PCDHGA7: variants seen among roughly 807,000 people sequenced by gnomAD.
PCDHGA7 encodes protocadherin gamma-A7.
PCDHGA7 carries 44 observed loss-of-function variants against 58.3 expected under a neutral mutation model. The ratio of observed to expected loss-of-function variants is 0.75; its 90% confidence interval spans 0.59 to 0.97. The LOEUF (loss-of-function observed/expected upper bound fraction) is 0.97, where lower values mean the gene tolerates loss of function less well. Ranked by LOEUF, PCDHGA7 falls within the 50% of genes least tolerant of loss-of-function variation. PCDHGA7 has a pLI of 0.00. For missense variants in PCDHGA7, 1,266 were observed against 1,188.7 expected, an observed-to-expected ratio of 1.06 and a Z score of -0.96; for synonymous variants, 516 against 504.2, an observed-to-expected ratio of 1.02 and a Z score of -0.31.
At position 141,489,244 on chromosome 5, in the gene PCDHGA7, G is replaced by C. The variant is rs145484133; in HGVS notation, c.2425-5563G>C. The C allele has an allele frequency of 3.3e-6, 5 of 1,534,936 alleles. No homozygotes were observed. Among genetic ancestry groups the C allele is most frequent in the African/African-American group, 1.4e-5 (1 of 72,374 alleles). On this transcript the variant is annotated intron_variant, in intron 1 of 3. Transcript: ENST00000518325. This position sits in a 1 kb window ranked among gnomAD's most constrained non-coding sequence, Gnocchi z 4.5. ...TCCACAAAGGGACTTCTGGGTCATGGGGCCCAAGACACTCCCACAGCTCGC... is the reference window on the plus strand; with the variant it reads ...TCCACAAAGGGACTTCTGGGTCATGCGGCCCAAGACACTCCCACAGCTCGC...
At chr5:141,450,869 G>A (rs1435272731) in intron 1 of PCDHGA7, among the ~76,000 whole-genome samples, 1 of 147,142 alleles carries the variant, frequency 6.8e-6, no homozygotes, top group Admixed American at 6.9e-5. Context: ...CTGTCACCCA[G>A]GCTGGTGTGC....
intron 1 of PCDHGA7, chr5:141,412,017 A>C (rs914087284): frequency 1.4e-5 from 2 of 146,532 alleles, no homozygotes; most frequent in African/African-American, 5.3e-5. Context: ...ACTTCTGAAC[A>C]TCCTGTTCTC....
intron 1 of PCDHGA7, among the ~76,000 whole-genome samples, chr5:141,433,809 C>A (rs913637407): frequency 5.3e-5 from 8 of 149,948 alleles, no homozygotes; most frequent in Non-Finnish European, 1.2e-4. Flanking sequence ...TGCACTCCAG[C>A]CTGGGCAACA....
chr5:141,433,921 T>G (rs1203867326), intron 1 of PCDHGA7, among the ~76,000 whole-genome samples: 2 of 152,012 alleles, frequency 1.3e-5, no homozygotes, highest in African/African-American at 4.8e-5. Flanking sequence ...CACCTCCAAA[T>G]GAAGATTTTA....
chr5:141,393,577 T>C (rs781192019), intron 1 of PCDHGA7: 1 of 1,613,890 alleles, frequency 6.2e-7, no homozygotes, highest in Admixed American at 1.7e-5. Flanking sequence ...CTTGAGAACA[T>C]GCCCCCAGGC....
intron 1 of PCDHGA7, among the ~76,000 whole-genome samples, chr5:141,456,955 T>A (rs1352654794): frequency 2.6e-5 from 4 of 151,974 alleles, no homozygotes; most frequent in African/African-American, 7.3e-5. Flanking sequence ...AGAGCAAAAC[T>A]CCATCTCAAA....
chr5:141,429,572 T>C (rs1450720834), intron 1 of PCDHGA7, among the ~76,000 whole-genome samples: 1 of 152,226 alleles, frequency 6.6e-6, no homozygotes, highest in South Asian at 2.1e-4. Context: ...TTCAGTTACA[T>C]TTACTTTTGA....
rs1423639578 is a variant in PCDHGA7, at chr5:141,383,107, G to T, written c.208G>T (p.Gly70Cys). The T allele has an allele frequency of 3.1e-6, 5 of 1,613,914 alleles. No individual in the cohort carries two copies. In the East Asian group the frequency reaches 6.7e-5, roughly 22 times the overall value. ...AERGVRIISR[G>C]RTQLFALNQR... Reference sequence around the variant, plus strand: ...GCGCGGAGTCCGCATCATCTCCAGAGGTAGGACGCAGCTTTTCGCCCTGAA... The same window carrying T: ...GCGCGGAGTCCGCATCATCTCCAGATGTAGGACGCAGCTTTTCGCCCTGAA... Residue 70 changes from glycine (G) to cysteine (C), a missense_variant, in exon 1 of 4, where the codon GGT (glycine) becomes TGT (cysteine). Coordinates refer to ENST00000518325, the MANE Select transcript of PCDHGA7 (RefSeq NM_018920.4).
In PCDHGA7 at chr5:141,477,453, A is replaced by T; in HGVS notation, c.2425-17354A>T. On this transcript the variant is annotated intron_variant, in intron 1 of 3. Transcript: ENST00000518325. This position sits in a 1 kb window ranked among gnomAD's most constrained non-coding sequence, Gnocchi z 4.9. Reference sequence around the variant, plus strand: ...TCAGCCCTTACAATAGTGCGTGTTCAAGTGTCCGACATCAATGACAACCCT... The same window carrying T: ...TCAGCCCTTACAATAGTGCGTGTTCTAGTGTCCGACATCAATGACAACCCT... The T allele has an allele frequency of 6.2e-7, 1 of 1,614,136 alleles. No homozygotes were observed. The highest frequency in any genetic ancestry group is 8.5e-7 in the Non-Finnish European group (1 of 1,180,026).
intron 1 of PCDHGA7, chr5:141,393,407 CG>C: frequency 5.0e-6 from 8 of 1,614,056 alleles, no homozygotes; most frequent in Non-Finnish European, 6.8e-6. Context: ...TGCTGGAGCG[CG>C]CCCTGGACAG....
At chr5:141,395,398 T>A (rs976008795) in intron 1 of PCDHGA7, 8 of 863,662 alleles carry the variant, frequency 9.3e-6, no homozygotes, top group South Asian at 2.0e-5. Context: ...TGAACTCTAA[T>A]AGTCATAGGT....
intron 1 of PCDHGA7, among the ~76,000 whole-genome samples, chr5:141,488,351 C>G (rs1467834410): frequency 6.6e-6 from 1 of 152,132 alleles, no homozygotes; most frequent in African/African-American, 2.4e-5. Context: ...AAACAGCCAC[C>G]CTGTGCATCT....
At position 141,383,492 on chromosome 5, in the gene PCDHGA7, G is replaced by C. The variant is rs1012277194; in HGVS notation, c.593G>C (p.Arg198Pro). 3 of 1,613,178 alleles carry C rather than the reference G, an allele frequency of 1.9e-6. No individual in the cohort carries two copies. Among genetic ancestry groups the C allele is most frequent in the Non-Finnish European group, 2.5e-6 (3 of 1,179,496 alleles). The change falls in exon 1 of 4, where the codon CGG becomes CCG. Residue 198 changes from arginine (R) to proline (P), a missense_variant. By Grantham distance (103) the Arg-to-Pro change is moderately radical (BLOSUM62 -2). Transcript: ENST00000518325. ...ETKYPELVLE[R>P]VLDREEERVH... is the part of the protein sequence containing the mutation. ...AAGTACCCGGAACTGGTGCTGGAGC[G>C]GGTGCTGGACCGGGAGGAAGAGCGG...
chr5:141,438,122 A>T (rs1272350030), intron 1 of PCDHGA7, among the ~76,000 whole-genome samples: 1 of 152,214 alleles, frequency 6.6e-6, no homozygotes, highest in Non-Finnish European at 1.5e-5. Flanking sequence ...CATTCCTAAA[A>T]TATTAATGGC....
At chr5:141,392,719 C>T (rs1044889578) in intron 1 of PCDHGA7, 60 of 1,382,980 alleles carry the variant, frequency 4.3e-5, no homozygotes, top group African/African-American at 2.9e-5. Context: ...TCCAGGTTTC[C>T]GGAGGATTGT....
intron 2 of PCDHGA7, among the ~76,000 whole-genome samples, chr5:141,498,604 C>G (rs1445417630): frequency 6.6e-6 from 1 of 152,122 alleles, no homozygotes; most frequent in East Asian, 1.9e-4. Flanking sequence ...GGTTCAAGTT[C>G]AAGTCAGCAC....
Position 141,476,870 on chromosome 5 carries a change from C to T in PCDHGA7, c.2425-17937C>T, listed in dbSNP as rs2099400432. 3 of 1,613,772 alleles carry T rather than the reference C, an allele frequency of 1.9e-6. No individual in the cohort carries two copies. Among genetic ancestry groups the T allele is most frequent in the South Asian group, 1.1e-5 (1 of 91,094 alleles). On this transcript the variant is annotated intron_variant, in intron 1 of 3. Coordinates refer to ENST00000518325, the MANE Select transcript of PCDHGA7 (RefSeq NM_018920.4). The surrounding 1 kb of genome is among the most constrained non-coding windows in gnomAD (Gnocchi z 7.6). ...CTTCAACCAGTCCTTGTACCGGGCGCGCGTCCTGGAGGATGCACCCTCCGG... is the reference window on the plus strand; with the variant it reads ...CTTCAACCAGTCCTTGTACCGGGCGTGCGTCCTGGAGGATGCACCCTCCGG...
rs751024373 is a variant in PCDHGA7, at chr5:141,491,801, G to T, written c.2425-3006G>T. 1 of 1,500,844 alleles carries T rather than the reference G, an allele frequency of 6.7e-7. No homozygotes were observed. Among genetic ancestry groups the T allele is most frequent in the Non-Finnish European group, 8.9e-7 (1 of 1,125,292 alleles). 93.0% of individuals were successfully genotyped at this position (1,500,844 alleles called of 1,614,324 possible). ...AACTTGCATCCACTCCTCTCCGGCCGGCTTGGTCGCTGGCTGCGCTCCACC... is the reference window on the plus strand; with the variant it reads ...AACTTGCATCCACTCCTCTCCGGCCTGCTTGGTCGCTGGCTGCGCTCCACC... On this transcript the variant is annotated intron_variant, in intron 1 of 3. Transcript: ENST00000518325. This position sits in a 1 kb window ranked among gnomAD's most constrained non-coding sequence, Gnocchi z 6.9.
At chr5:141,422,911 G>A (rs375046528) in intron 1 of PCDHGA7, 5 of 1,614,118 alleles carry the variant, frequency 3.1e-6, no homozygotes, top group African/African-American at 2.7e-5. Flanking sequence ...CAATGCGCCC[G>A]AGATCCTGTA....
Sources: gnomAD v4.1 joint callset for allele counts (sites outside exome capture counted in the v4.1 genomes callset) on GRCh38, gnomAD v4.1.1 for gene constraint, Gnocchi (gnomAD v3.1) non-coding constraint, MANE v1.5 for transcripts, NCBI Gene and HGNC (gene_info 2026-07-23, HGNC 2026-07-21) for gene names.